The following RMDN2 variants were observed in gnomAD, a reference collection of about 807,000 sequenced individuals.
RMDN2 encodes the protein regulator of microtubule dynamics 2, also known as regulator of microtubule dynamics protein 2.
In RMDN2, 61 loss-of-function variants were observed where a neutral mutation model predicts 52.8. The ratio of observed to expected loss-of-function variants is 1.16; its 90% confidence interval spans 0.94 to 1.43. The LOEUF is 1.43. RMDN2 is among the 40% of genes most tolerant of loss of function. The probability of loss-of-function intolerance (pLI) is 0.00; values close to 1 mark genes in which losing one functional copy is unlikely to be tolerated. For synonymous variants in RMDN2, 180 were observed against 153.1 expected (o/e 1.18, Z -1.30); for missense variants, 592 against 475.3 (o/e 1.25, Z -2.28).
chr2:37,976,577 G>A (rs556120362), intron 4 of RMDN2, among the ~76,000 whole-genome samples: 79 of 152,156 alleles, frequency 5.2e-4, no homozygotes, highest in Middle Eastern at 3.4e-3. Flanking sequence ...CTGTGCTTTC[G>A]TTTCCCCCAG....
At chr2:38,010,757 G>A (rs922551622) in intron 10 of RMDN2, among the ~76,000 whole-genome samples, 10 of 152,088 alleles carry the variant, frequency 6.6e-5, no homozygotes, top group East Asian at 5.8e-4. Context: ...AGATGCACCC[G>A]GTACCTCAGG....
At chr2:38,057,273 C>G (rs945876875) in intron 10 of RMDN2, among the ~76,000 whole-genome samples, 11 of 152,336 alleles carry the variant, frequency 7.2e-5, no homozygotes, top group Admixed American at 5.2e-4. Context: ...AACTACCCAA[C>G]TCTGCTGCTG....
chr2:37,996,627 T>A (rs1270543435), intron 7 of RMDN2, among the ~76,000 whole-genome samples: 1 of 149,212 alleles, frequency 6.7e-6, no homozygotes, highest in Admixed American at 6.7e-5. Flanking sequence ...AAGAGGATAT[T>A]GGCTACCAAG....
chr2:38,012,715 A>C, intron 10 of RMDN2: 1 of 393,438 alleles, frequency 2.5e-6, no homozygotes, highest in Non-Finnish European at 5.1e-6. Flanking sequence ...TATATGTAAT[A>C]CCCCTCCATC....
chr2:37,944,806 T>C (rs6712129), intron 2 of RMDN2, among the ~76,000 whole-genome samples: 60,461 of 152,030 alleles, frequency 0.4, 12,999 homozygotes, highest in South Asian at 0.52. Context: ...AGAGAACATA[T>C]ATTTTATGTT....
intron 10 of RMDN2, among the ~76,000 whole-genome samples, chr2:38,011,813 T>C (rs918035717): frequency 3.9e-5 from 6 of 152,116 alleles, no homozygotes; most frequent in African/African-American, 2.4e-5. Flanking sequence ...GGCACAAAAG[T>C]GAGAGAGCAA....
In RMDN2 at chr2:37,933,555, C is replaced by T. The variant is rs1290262821; in HGVS notation, c.452+3826C>T. On this transcript the variant is annotated intron_variant, in intron 2 of 10. Transcript: ENST00000354545. ...GAGGCCGAGGCTGGCGGATCGCTCG[C>T]GGTTAGGAGCTGGAGACCAGCCCGG... 3.9e-5 allele frequency among the ~76,000 whole-genome samples: 6 copies of T among 152,382 alleles called. No homozygotes were observed. The East Asian group carries it at 7.7e-4, about 20-fold the overall frequency.
intron 10 of RMDN2, among the ~76,000 whole-genome samples, chr2:38,013,634 T>C (rs1329109549): frequency 6.6e-6 from 1 of 152,240 alleles, no homozygotes; most frequent in Non-Finnish European, 1.5e-5. Context: ...TTAAATGCTC[T>C]TTCTTAATTA....
At chr2:37,994,268 A>T (rs1315218024) in intron 7 of RMDN2, among the ~76,000 whole-genome samples, 1 of 152,220 alleles carries the variant, frequency 6.6e-6, no homozygotes, top group African/African-American at 2.4e-5. Context: ...TTAAAATAAG[A>T]GGAATTGGCA....
chr2:37,994,294 G>T (rs1675213819), intron 7 of RMDN2, among the ~76,000 whole-genome samples: 1 of 152,272 alleles, frequency 6.6e-6, no homozygotes, highest in South Asian at 2.1e-4. Flanking sequence ...TAGATGAGCA[G>T]CATGAGCAAA....
chr2:37,944,826 G>C (rs1156289569), intron 2 of RMDN2, among the ~76,000 whole-genome samples: 2 of 152,116 alleles, frequency 1.3e-5, no homozygotes, highest in Admixed American at 6.5e-5. Context: ...TTCACTTTTT[G>C]TTTTTGTTTT....
At chr2:37,968,555 T>G (rs1671390280) in intron 2 of RMDN2, among the ~76,000 whole-genome samples, 1 of 152,198 alleles carries the variant, frequency 6.6e-6, no homozygotes, top group Non-Finnish European at 1.5e-5. Context: ...AAATACACTC[T>G]TTTATTTTCA....
intron 5 of RMDN2, among the ~76,000 whole-genome samples, chr2:37,985,989 G>A (rs1558512499): frequency 6.6e-6 from 1 of 152,020 alleles, no homozygotes. Context: ...TTAACAATAG[G>A]GAAAACTAGG....
chr2:37,993,079 T>C (rs1056581961), intron 7 of RMDN2, among the ~76,000 whole-genome samples: 1 of 152,008 alleles, frequency 6.6e-6, no homozygotes, highest in Admixed American at 6.6e-5. Flanking sequence ...CACGCTCGGG[T>C]ATTTTTTTAT....
At chr2:37,952,822 A>G (rs1439169395) in intron 2 of RMDN2, 2 of 152,062 alleles carry the variant, frequency 1.3e-5, no homozygotes, top group African/African-American at 4.8e-5. Context: ...ACATTCATGT[A>G]TGTGCAAATC....
At chr2:37,997,389 A>G (rs765208790) in intron 7 of RMDN2, 27 bp from the exon 8 acceptor site, 1 of 1,438,620 alleles carries the variant, frequency 7.0e-7, no homozygotes, top group South Asian at 1.1e-5. Context: ...ACAACTTTCT[A>G]AGAGTGATGT....
upstream of RMDN2, among the ~76,000 whole-genome samples, chr2:37,921,810 C>T (rs1283674833): frequency 6.6e-6 from 1 of 152,170 alleles, no homozygotes; most frequent in African/African-American, 2.4e-5. Context: ...CTCTTGAAGC[C>T]TTGGTTTCCT....
At chr2:38,053,985 A>G (rs1275341198) in intron 10 of RMDN2, among the ~76,000 whole-genome samples, 1 of 152,234 alleles carries the variant, frequency 6.6e-6, no homozygotes, top group Non-Finnish European at 1.5e-5. Flanking sequence ...TGAATTTATT[A>G]TTCAGATATT....
chr2:38,037,285 C>T (rs1680647916), intron 10 of RMDN2, among the ~76,000 whole-genome samples: 1 of 152,194 alleles, frequency 6.6e-6, no homozygotes, highest in Non-Finnish European at 1.5e-5. Flanking sequence ...AGCTTTCCTC[C>T]CTGAGGGACA....
Sources: allele counts gnomAD v4.1 joint callset (sites outside exome capture counted in the v4.1 genomes callset), GRCh38; gene constraint gnomAD v4.1.1; transcripts MANE v1.5; gene names NCBI Gene and HGNC (gene_info 2026-07-23, HGNC 2026-07-21).